TASOR2: variants seen among roughly 807,000 people sequenced by gnomAD.
TASOR2 encodes the protein protein TASOR 2.
Under a neutral mutation model 199.5 loss-of-function variants are expected in TASOR2, and 84 were observed. The ratio of observed to expected loss-of-function variants is 0.42; its 90% CI spans 0.35 to 0.50. The LOEUF (loss-of-function observed/expected upper bound fraction) is 0.50, where lower values mean the gene tolerates loss of function less well. Among genes scored for constraint, TASOR2 ranks in the 20% least tolerant of loss-of-function variants. The pLI is 0.02. For missense variants in TASOR2, 2,796 were observed against 2,835.9 expected (o/e 0.99, Z 0.32); for synonymous variants, 1,103 against 1,046.6 (o/e 1.05, Z -1.04).
chr10:5,735,071 A>G (rs1296187334), intron 11 of TASOR2, among the ~76,000 whole-genome samples: 1 of 151,538 alleles, frequency 6.6e-6, no homozygotes, highest in African/African-American at 2.4e-5. Context: ...TTTCTTCTTC[A>G]TCTGATAGGG....
At chr10:5,761,530 C>CAA in intron 19 of TASOR2, 59 bp downstream of exon 20, 1 of 1,466,152 alleles carries the variant, frequency 6.8e-7, no homozygotes, top group Non-Finnish European at 9.3e-7. Flanking sequence ...CTAGGAATGT[C>CAA]AAAGTTAGAT....
At chr10:5,736,429 AAAG>A (rs747587711) in intron 12 of TASOR2, among the ~76,000 whole-genome samples, 5 of 137,144 alleles carry the variant, frequency 3.6e-5, no homozygotes, top group Middle Eastern at 3.2e-3. Flanking sequence ...GAAAAAAAAA[AAAG>A]AGAGAGAGAC....
chr10:5,715,870 T>G (rs1832562227), intron 2 of TASOR2, among the ~76,000 whole-genome samples: 1 of 152,198 alleles, frequency 6.6e-6, no homozygotes. Flanking sequence ...CTCGATCTCC[T>G]GACCTCATGG....
Position 5,735,398 on chromosome 10 carries a change from A to C in TASOR2, c.1299A>C (p.Thr433=), listed in dbSNP as rs114628221. ...TTTCTAAAGATGTTCCAGTGCCAAC[A>C]AATGCTAAAAGGGCAAGGAAACAAG... The change falls in exon 12 of 21, where the codon ACA becomes ACC. Residue 433 remains threonine (T), a synonymous_variant. Transcript: ENST00000328090. The C allele has an allele frequency of 7.2e-4, 1,166 of 1,614,204 alleles. 5 individuals are homozygous for C. The African/African-American group carries it at 0.01, about 14-fold the overall frequency.
At chr10:5,696,676 C>G (rs1474187641) in intron 1 of TASOR2, among the ~76,000 whole-genome samples, 1 of 152,070 alleles carries the variant, frequency 6.6e-6, no homozygotes, top group East Asian at 1.9e-4. Flanking sequence ...TTAAATGCCT[C>G]ACATTTGAGT....
At chr10:5,757,883 C>A (rs540159667) in intron 17 of TASOR2, among the ~76,000 whole-genome samples, 1 of 152,018 alleles carries the variant, frequency 6.6e-6, no homozygotes, top group East Asian at 1.9e-4. Flanking sequence ...TGATTCTTAC[C>A]ACCACACTTG....
chr10:5,735,308 G>T (rs146574498), exon 12 of TASOR2: 1 of 1,613,234 alleles, frequency 6.2e-7, no homozygotes, highest in Non-Finnish European at 8.5e-7. Flanking sequence ...CATAAGGTGC[G>T]GAAGTGCTGA....
chr10:5,763,250 G>C (rs533940953), exon 21 of TASOR2: 2 of 436,026 alleles, frequency 4.6e-6, no homozygotes, highest in East Asian at 3.6e-5. Flanking sequence ...GCTAGATATT[G>C]TTTTAAATTA....
chr10:5,707,887 G>A (rs1242411300), intron 1 of TASOR2, among the ~76,000 whole-genome samples: 1 of 152,084 alleles, frequency 6.6e-6, no homozygotes, highest in East Asian at 1.9e-4. Flanking sequence ...TTTAACCACT[G>A]TCTCAAAACA....
rs1835464963 is a variant in TASOR2, at chr10:5,735,628, A to G, written c.1447+82A>G. On this transcript the variant is annotated intron_variant, in intron 12 of 20. Transcript: ENST00000328090. ...GCAAGATAATTTATTGAAATAGTGT[A>G]AGAGCAGTTGCAATGTCCCAATAAT... 9.3e-6 allele frequency: 14 copies of G among 1,502,546 alleles called. No homozygotes were observed. The South Asian group carries it at 1.5e-4, about 16-fold the overall frequency. The allele number at this position is 1,502,546 out of a possible 1,614,324, so 93.1% of individuals were successfully genotyped here.
intron 1 of TASOR2, chr10:5,712,447 C>T: frequency 8.1e-7 from 1 of 1,231,674 alleles, no homozygotes; most frequent in Non-Finnish European, 1.0e-6. Context: ...GGCAGTTTCA[C>T]TCCTCCATAC....
chr10:5,747,607 A>G (rs761812916), exon 15 of TASOR2: 2 of 1,614,082 alleles, frequency 1.2e-6, no homozygotes, highest in African/African-American at 2.7e-5. Flanking sequence ...TGATTCTGTA[A>G]TTGAAGAAGT....
rs2131518761 is a variant in TASOR2, at chr10:5,701,168, A to G, written c.-287-11655A>G. 6.6e-6 allele frequency among the ~76,000 whole-genome samples: 1 copy of G among 152,134 alleles called. No individual in the cohort carries two copies. Among genetic ancestry groups the G allele is most frequent in the Middle Eastern group, 3.4e-3 (1 of 294 alleles). On this transcript the variant is annotated intron_variant, in intron 1 of 20. Transcript: ENST00000328090. This position sits in a 1 kb window ranked among gnomAD's most constrained non-coding sequence, Gnocchi z 4.9. ...AAATCCATTTTGATTTGAATTTTGT[A>G]TATGGTCAGATTGTTTTGTTCTTCT...
At chr10:5,745,545 C>T (rs1386679941) in intron 14 of TASOR2, among the ~76,000 whole-genome samples, 6 of 151,962 alleles carry the variant, frequency 3.9e-5, no homozygotes, top group Non-Finnish European at 5.9e-5. Flanking sequence ...TTTGGGAGGC[C>T]GAGGTGGGTG....
At chr10:5,704,767 A>G (rs1838359027) in intron 1 of TASOR2, among the ~76,000 whole-genome samples, 1 of 152,206 alleles carries the variant, frequency 6.6e-6, no homozygotes, top group African/African-American at 2.4e-5. Context: ...TATTTTAGAT[A>G]ATATCTTAAG....
intron 20 of TASOR2, 65 bp downstream of exon 21, chr10:5,762,711 T>C: frequency 1.2e-6 from 1 of 809,878 alleles, no homozygotes; most frequent in Non-Finnish European, 2.1e-6. Context: ...ATATTGACAT[T>C]TGTGTCTAAG....
In TASOR2 at chr10:5,742,718, C is replaced by T. The variant is rs1836612814; in HGVS notation, c.2757+192C>T. ...TGAATTGTCTGCAGGTAGAGCTTAC[C>T]TGCCATCCCGATTGAAAAAAACCAG... On this transcript the variant is annotated intron_variant, in intron 14 of 20. Coordinates refer to ENST00000328090, the Ensembl canonical transcript of TASOR2. This position sits in a 1 kb window ranked among gnomAD's most constrained non-coding sequence, Gnocchi z 4.2. Among the ~76,000 whole-genome samples, 1 of 152,064 alleles carries T rather than the reference C, an allele frequency of 6.6e-6. No homozygotes were observed. The highest frequency in any genetic ancestry group is 1.5e-5 in the Non-Finnish European group (1 of 68,028).
At chr10:5,715,221 CTTT>C (rs58686940) in intron 2 of TASOR2, among the ~76,000 whole-genome samples, 14 of 85,924 alleles carry the variant, frequency 1.6e-4, no homozygotes, top group South Asian at 7.6e-4. Context: ...TCCTGCTGAC[CTTT>C]TTTTTTTTTA....
Position 5,697,110 on chromosome 10 carries a change from C to T in TASOR2, c.-288+11935C>T, listed in dbSNP as rs143404951. On this transcript the variant is annotated intron_variant, in intron 1 of 20. Transcript: ENST00000328090. ...TTCTAGGTTGAAAGGGCCTATTAAG[C>T]GCCCTGATCAATAAAACAGAAACAA... is the stretch of plus-strand genomic sequence containing the variant. Among the ~76,000 whole-genome samples the T allele has an allele frequency of 1.3e-3, 196 of 152,228 alleles. 3 individuals are homozygous for T. The East Asian group carries it at 0.028, about 22-fold the overall frequency.
Sources: gnomAD v4.1 joint callset for allele counts (sites outside exome capture counted in the v4.1 genomes callset) on GRCh38, gnomAD v4.1.1 for gene constraint, Gnocchi (gnomAD v3.1) non-coding constraint, MANE v1.5 for transcripts, NCBI Gene and HGNC (gene_info 2026-07-23, HGNC 2026-07-21) for gene names.